The following PAK2 variants were observed in gnomAD, a reference collection of about 807,000 sequenced individuals.
PAK2 encodes p21 (RAC1) activated kinase 2.
A neutral mutation model predicts 65.9 loss-of-function variants in PAK2; 21 were observed. The observed-to-expected ratio is 0.32, with a 90% CI of 0.23 to 0.46. The LOEUF (loss-of-function observed/expected upper bound fraction) is 0.46. Ranked by LOEUF, PAK2 falls within the 20% of genes least tolerant of loss-of-function variation. The pLI is 1.00. For missense variants in PAK2, 324 were observed against 642.6 expected, an observed-to-expected ratio of 0.50 and a Z score of 5.36; for synonymous variants, 204 against 219.7, an observed-to-expected ratio of 0.93 and a Z score of 0.63.
intron 11 of PAK2, among the ~76,000 whole-genome samples, chr3:196,815,546 T>C (rs533167583): frequency 4.6e-5 from 7 of 151,386 alleles, no homozygotes; most frequent in Non-Finnish European, 8.8e-5. Context: ...ACCAGCACTT[T>C]GGGAGGCCGA....
At chr3:196,823,451 G>T (rs1711719085) in intron 13 of PAK2, among the ~76,000 whole-genome samples, 1 of 152,042 alleles carries the variant, frequency 6.6e-6, no homozygotes, top group Non-Finnish European at 1.5e-5. Flanking sequence ...AAAATCACCA[G>T]CGCCAAGCTC....
intron 1 of PAK2, among the ~76,000 whole-genome samples, chr3:196,750,114 A>G (rs1713524966): frequency 6.6e-6 from 1 of 151,538 alleles, no homozygotes; most frequent in African/African-American, 2.4e-5. Flanking sequence ...AGCCTCCCAA[A>G]TAGCTGGGAT....
chr3:196,813,585 A>C (rs1356921178), intron 10 of PAK2, among the ~76,000 whole-genome samples: 1 of 152,152 alleles, frequency 6.6e-6, no homozygotes, highest in East Asian at 1.9e-4. Context: ...TTCCATATTT[A>C]AATTTGTTTA....
chr3:196,768,834 T>A (rs1380103420), intron 1 of PAK2, among the ~76,000 whole-genome samples: 1 of 151,722 alleles, frequency 6.6e-6, no homozygotes, highest in Non-Finnish European at 1.5e-5. Flanking sequence ...CCCAGCTAAT[T>A]TTTGTATTTT....
intron 13 of PAK2, among the ~76,000 whole-genome samples, chr3:196,823,096 G>A (rs189644809): frequency 2.6e-5 from 4 of 152,216 alleles, no homozygotes; most frequent in African/African-American, 9.6e-5. Flanking sequence ...CCCTGGCTGC[G>A]TTGTTGAGAG....
At chr3:196,783,015 A>G (rs1040296262) in intron 2 of PAK2, among the ~76,000 whole-genome samples, 182 bp downstream of exon 2, 3 of 152,136 alleles carry the variant, frequency 2.0e-5, no homozygotes, top group African/African-American at 7.2e-5. Flanking sequence ...ATAAAATGTA[A>G]ATTTGTTTCT....
intron 1 of PAK2, among the ~76,000 whole-genome samples, chr3:196,770,057 A>G (rs1714314387): frequency 6.6e-6 from 1 of 151,976 alleles, no homozygotes; most frequent in South Asian, 2.1e-4. Flanking sequence ...GGAGTTCAAG[A>G]CCAGCCTGAG....
rs535018544 is a variant in PAK2, at chr3:196,791,051, A to G, written c.187+8218A>G. ...CTTCCAAGCAGGTTTGCTTTTTTCT[A>G]TTCCTATAATTTCTTCTGCCATCCT... On this transcript the variant is annotated intron_variant, in intron 2 of 14. Transcript: ENST00000327134. This position sits in a 1 kb window ranked among gnomAD's most constrained non-coding sequence, Gnocchi z 4.0. Among the ~76,000 whole-genome samples, 7 of 152,252 alleles carry G rather than the reference A, an allele frequency of 4.6e-5. No homozygotes were observed. In the East Asian group the frequency reaches 1.2e-3, roughly 25 times the overall value.
At position 196,739,954 on chromosome 3, in the gene PAK2, T is replaced by TA. The variant is rs1441417474; in HGVS notation, c.-225_-224insA. ...CGCCATTGCCGAAGGCTCCCTCCCC[T>TA]CCCCTCCCTGGCGTGCGCAGGACTC... On this transcript the variant is annotated 5_prime_UTR_variant, in exon 1 of 15. Transcript: ENST00000327134. 1 of 148,260 alleles carries TA rather than the reference T, an allele frequency of 6.7e-6. No homozygotes were observed. The highest frequency in any genetic ancestry group is 6.7e-5 in the Admixed American group (1 of 15,036). The allele number at this position is 148,260 out of a possible 1,614,324, so 9.2% of individuals were successfully genotyped here. A position where few individuals can be genotyped will look rare whatever the true frequency, so the allele number is the denominator to read the frequency against.
chr3:196,796,998 A>G (rs898467397), intron 2 of PAK2, among the ~76,000 whole-genome samples: 25 of 152,200 alleles, frequency 1.6e-4, no homozygotes, highest in Non-Finnish European at 7.3e-5. Context: ...GGAGATTCCA[A>G]AACTTCTCTC....
chr3:196,805,362 CT>C lies in PAK2; in HGVS notation c.450del (p.Pro151LeufsTer7). 1 of 1,452,678 alleles carries C rather than the reference CT, an allele frequency of 6.9e-7. No individual in the cohort carries two copies. Among genetic ancestry groups the C allele is most frequent in the Non-Finnish European group, 9.4e-7 (1 of 1,067,354 alleles). 90.0% of individuals were successfully genotyped at this position (1,452,678 alleles called of 1,614,324 possible). A position where few individuals can be genotyped will look rare whatever the true frequency, so the allele number is the denominator to read the frequency against. On this transcript the variant is annotated frameshift_variant, in exon 5 of 15. Transcript: ENST00000327134. LOFTEE classifies it high-confidence loss of function. ...LSFTPPEKDGFPSGTPALNAK... is the reference protein window; with the variant it reads ...LSFTPPEKDGXPSGTPALNAK... ...TTGTTTCATATTCAGAGAAAGATGG[CT>C]TTCCTTCTGGAACACCAGCAGTAAG...
At chr3:196,757,962 C>T (rs1291065134) in intron 1 of PAK2, among the ~76,000 whole-genome samples, 1 of 152,150 alleles carries the variant, frequency 6.6e-6, no homozygotes, top group Non-Finnish European at 1.5e-5. Flanking sequence ...GAATAGTGAC[C>T]TTAAAAGAGA....
At chr3:196,744,682 A>G (rs6775808) in intron 1 of PAK2, among the ~76,000 whole-genome samples, 8,185 of 152,348 alleles carry the variant, frequency 0.054, 347 homozygotes, top group African/African-American at 0.12. Context: ...TGATTTTAAA[A>G]TAAAAAATCT....
chr3:196,806,593 A>G lies in PAK2; in HGVS notation c.483A>G (p.Gly161=). 3.7e-6 allele frequency: 6 copies of G among 1,610,654 alleles called. No homozygotes were observed. Among genetic ancestry groups the G allele is most frequent in the Non-Finnish European group, 4.2e-6 (5 of 1,176,946 alleles). ...CATCAATGCAGCTGAATGCCAAGGG[A>G]ACAGAAGCACCCGCAGTAGTGACAG... ...PSGTPALNAK[G]TEAPAVVTEE... is the part of the protein sequence containing the mutation. The change falls in exon 6 of 15, where the codon GGA becomes GGG. Residue 161 remains glycine, a synonymous_variant. Coordinates refer to ENST00000327134, the MANE Select transcript of PAK2 (RefSeq NM_002577.4).
intron 10 of PAK2, among the ~76,000 whole-genome samples, chr3:196,813,255 TGAG>T (rs1715884575): frequency 6.6e-6 from 1 of 152,032 alleles, no homozygotes. Flanking sequence ...CTCATTTAGT[TGAG>T]GAATTAATGT....
chr3:196,814,130 C>T (rs1197344836), intron 10 of PAK2, among the ~76,000 whole-genome samples: 2 of 152,108 alleles, frequency 1.3e-5, no homozygotes, highest in Admixed American at 1.3e-4. Context: ...TGAGTCACTT[C>T]ACCTCTCCAA....
At chr3:196,819,685 C>G (rs1440248515) in intron 12 of PAK2, among the ~76,000 whole-genome samples, 1 of 152,128 alleles carries the variant, frequency 6.6e-6, no homozygotes, top group Non-Finnish European at 1.5e-5. Context: ...ATTCTAAATA[C>G]TAATCCTGAC....
chr3:196,825,365 C>T (rs952212751), intron 13 of PAK2, among the ~76,000 whole-genome samples: 38 of 147,784 alleles, frequency 2.6e-4, no homozygotes, highest in African/African-American at 9.3e-4. Flanking sequence ...ATAAATAGGC[C>T]AGATGCAGTG....
At chr3:196,780,265 C>T (rs189871026) in intron 1 of PAK2, among the ~76,000 whole-genome samples, 45 of 152,304 alleles carry the variant, frequency 3.0e-4, no homozygotes, top group Non-Finnish European at 5.9e-4. Context: ...TAGTTACCCC[C>T]TCTCTTAGTC....
Sources: allele counts gnomAD v4.1 joint callset (sites outside exome capture counted in the v4.1 genomes callset), GRCh38; gene constraint gnomAD v4.1.1; non-coding constraint Gnocchi (gnomAD v3.1); transcripts MANE v1.5; gene names NCBI Gene and HGNC (gene_info 2026-07-23, HGNC 2026-07-21).